LRRTM4: variants seen among roughly 807,000 people sequenced by gnomAD.
LRRTM4 encodes leucine-rich repeat transmembrane neuronal protein 4.
LRRTM4 carries 25 observed loss-of-function variants against 47.6 expected under a neutral mutation model. The observed-to-expected ratio is 0.53, with a 90% confidence interval of 0.38 to 0.73. LRRTM4 has a LOEUF of 0.73. Among genes scored for constraint, LRRTM4 ranks in the 30% least tolerant of loss-of-function variants. LRRTM4 has a pLI of 0.00. For synonymous variants in LRRTM4, 311 were observed against 269.5 expected, an observed-to-expected ratio of 1.15 and a Z score of -1.51; for missense variants, 638 against 713.4, an observed-to-expected ratio of 0.89 and a Z score of 1.20.
chr2:77,424,970 G>T (rs979728729), intron 3 of LRRTM4, among the ~76,000 whole-genome samples: 12 of 152,056 alleles, frequency 7.9e-5, no homozygotes, highest in Non-Finnish European at 1.2e-4. Flanking sequence ...TGTTTTAAGT[G>T]GAATATGAAA....
chr2:77,052,642 T>C (rs1218738700), intron 3 of LRRTM4, among the ~76,000 whole-genome samples: 1 of 152,092 alleles, frequency 6.6e-6, no homozygotes, highest in Non-Finnish European at 1.5e-5. Flanking sequence ...TTAGAATCTA[T>C]ATAACAGGTT....
At chr2:77,214,911 A>C (rs1254599735) in intron 3 of LRRTM4, among the ~76,000 whole-genome samples, 1 of 152,116 alleles carries the variant, frequency 6.6e-6, no homozygotes, top group Non-Finnish European at 1.5e-5. Context: ...TATCATAATA[A>C]ACTTTTTCTT....
intron 3 of LRRTM4, among the ~76,000 whole-genome samples, chr2:77,112,677 C>T (rs886885726): frequency 1.3e-5 from 2 of 150,150 alleles, no homozygotes; most frequent in Admixed American, 6.7e-5. Flanking sequence ...ATAAAGCATA[C>T]ATAAATCAGA....
chr2:77,435,457 A>G lies in LRRTM4; in HGVS notation c.1551+82861T>C, dbSNP rs1675551266. Among the ~76,000 whole-genome samples, 3 of 152,178 alleles carry G rather than the reference A, an allele frequency of 2.0e-5. No individual in the cohort carries two copies. In the South Asian group the frequency reaches 6.2e-4, roughly 32 times the overall value. ...CTTAGGTCAATTATCCTATATGTGC[A>G]TATTCTTTAATTTCTTACATGAAGA... On this transcript the variant is annotated intron_variant, in intron 3 of 3. Coordinates refer to ENST00000409884, the MANE Select transcript of LRRTM4 (RefSeq NM_001134745.3).
intron 3 of LRRTM4, among the ~76,000 whole-genome samples, chr2:76,805,049 G>C (rs79340291): frequency 6.6e-6 from 1 of 151,922 alleles, no homozygotes; most frequent in African/African-American, 2.4e-5. Context: ...TTTTTGGCCT[G>C]ACAAAGCCCG....
Position 76,748,923 on chromosome 2 carries a change from A to G in LRRTM4, c.1552-7T>C, listed in dbSNP as rs773108096. On this transcript the variant is annotated splice_polypyrimidine_tract_variant and splice_region_variant and intron_variant, in intron 3 of 3. Coordinates refer to ENST00000409884, the MANE Select transcript of LRRTM4 (RefSeq NM_001134745.3). ...GCTTCATGTGGTGTGGCATCTGGAT[A>G]TGAGAAATAGAAAGATGGGTGGATT... 1.2e-6 allele frequency: 2 copies of G among 1,612,016 alleles called. No individual in the cohort carries two copies. Among genetic ancestry groups the G allele is most frequent in the East Asian group, 4.5e-5 (2 of 44,866 alleles).
intron 3 of LRRTM4, among the ~76,000 whole-genome samples, chr2:77,026,670 G>A (rs1381473131): frequency 6.6e-6 from 1 of 151,740 alleles, no homozygotes; most frequent in Non-Finnish European, 1.5e-5. Context: ...CATAGAAAAA[G>A]TAAAATTCTG....
At chr2:77,241,205 T>TACACACACAC (rs10555648) in intron 3 of LRRTM4, among the ~76,000 whole-genome samples, 1 of 119,728 alleles carries the variant, frequency 8.4e-6, no homozygotes, top group Admixed American at 9.5e-5. Context: ...GAATTGGAAA[T>TACACACACAC]ACACACACAC....
At chr2:77,513,286 G>A (rs1462120431) in intron 3 of LRRTM4, among the ~76,000 whole-genome samples, 1 of 152,110 alleles carries the variant, frequency 6.6e-6, no homozygotes, top group African/African-American at 2.4e-5. Flanking sequence ...ATGAATGTAA[G>A]TAGCTCAGTC....
intron 3 of LRRTM4, among the ~76,000 whole-genome samples, chr2:77,075,760 A>G: frequency 6.7e-6 from 1 of 150,104 alleles, no homozygotes; most frequent in African/African-American, 2.5e-5. Context: ...CTAAAAATAC[A>G]AAAAATTAGC....
intron 3 of LRRTM4, among the ~76,000 whole-genome samples, chr2:77,104,286 G>C (rs1245614406): frequency 1.3e-4 from 20 of 152,058 alleles, no homozygotes; most frequent in Admixed American, 1.3e-3. Flanking sequence ...GAACTGATGT[G>C]AACACCTCCT....
intron 3 of LRRTM4, among the ~76,000 whole-genome samples, chr2:76,924,979 A>G (rs1185901431): frequency 6.6e-6 from 1 of 152,154 alleles, no homozygotes; most frequent in African/African-American, 2.4e-5. Flanking sequence ...CCTTTGTCTT[A>G]TCCCCTGTTC....
At chr2:77,049,503 G>T (rs1446385902) in intron 3 of LRRTM4, among the ~76,000 whole-genome samples, 7 of 151,650 alleles carry the variant, frequency 4.6e-5, no homozygotes, top group Non-Finnish European at 8.8e-5. Flanking sequence ...GAGTGAGATG[G>T]TATCTCATTC....
chr2:77,268,798 T>A (rs1324527086), intron 3 of LRRTM4, among the ~76,000 whole-genome samples: 1 of 152,218 alleles, frequency 6.6e-6, no homozygotes, highest in Non-Finnish European at 1.5e-5. Flanking sequence ...CTAGCCATAA[T>A]GACTTTTCTT....
chr2:77,079,170 A>G (rs1210459623), intron 3 of LRRTM4, among the ~76,000 whole-genome samples: 1 of 152,220 alleles, frequency 6.6e-6, no homozygotes, highest in Non-Finnish European at 1.5e-5. Flanking sequence ...AACTGACATA[A>G]GGGAAACTGT....
intron 3 of LRRTM4, among the ~76,000 whole-genome samples, chr2:77,084,920 G>C (rs1358552492): frequency 6.6e-6 from 1 of 152,120 alleles, no homozygotes; most frequent in African/African-American, 2.4e-5. Flanking sequence ...TTATGCATAT[G>C]TACATATACA....
At chr2:77,030,746 T>C (rs1414708449) in intron 3 of LRRTM4, among the ~76,000 whole-genome samples, 1 of 152,226 alleles carries the variant, frequency 6.6e-6, no homozygotes, top group Non-Finnish European at 1.5e-5. Flanking sequence ...CTTCCAGTAA[T>C]ATCCTGAAAG....
intron 3 of LRRTM4, among the ~76,000 whole-genome samples, chr2:76,969,656 A>G (rs1237044094): frequency 6.6e-6 from 1 of 151,974 alleles, no homozygotes; most frequent in Non-Finnish European, 1.5e-5. Flanking sequence ...ACAAAATAAT[A>G]CATTTACCAG....
chr2:77,384,929 C>A (rs1172470863), intron 3 of LRRTM4, among the ~76,000 whole-genome samples: 2 of 151,942 alleles, frequency 1.3e-5, no homozygotes, highest in African/African-American at 2.4e-5. Context: ...AGCAAACCCA[C>A]AAATATTATA....
Sources: gnomAD v4.1 joint callset for allele counts (sites outside exome capture counted in the v4.1 genomes callset) on GRCh38, gnomAD v4.1.1 for gene constraint, MANE v1.5 for transcripts, NCBI Gene and HGNC (gene_info 2026-07-23, HGNC 2026-07-21) for gene names.